Variants in FSTL4 observed in about 807,000 individuals in gnomAD.
FSTL4 encodes follistatin-related protein 4.
Under a neutral mutation model 78.2 loss-of-function variants are expected in FSTL4, and 28 were observed. The ratio of observed to expected loss-of-function variants is 0.36; its 90% CI spans 0.27 to 0.49. The LOEUF is 0.49. Ranked by LOEUF, FSTL4 falls within the 20% of genes least tolerant of loss-of-function variation. The pLI, the probability that FSTL4 is intolerant of heterozygous loss-of-function variation, is 0.98. For synonymous variants in FSTL4, 422 were observed against 440.5 expected, an observed-to-expected ratio of 0.96 and a Z score of 0.53; for missense variants, 922 against 1,084.9, an observed-to-expected ratio of 0.85 and a Z score of 2.11.
intron 3 of FSTL4, among the ~76,000 whole-genome samples, chr5:133,527,227 TC>T (rs1308542664): frequency 6.6e-6 from 1 of 152,224 alleles, no homozygotes; most frequent in African/African-American, 2.4e-5. Flanking sequence ...CTTCCACTTC[TC>T]TGCAAATTGA....
intron 12 of FSTL4, 96 bp downstream of exon 12, chr5:133,220,652 G>T (rs746824318): frequency 5.3e-5 from 41 of 769,782 alleles, no homozygotes; most frequent in Non-Finnish European, 9.1e-5. Context: ...ATAGCAAATG[G>T]AATTTTAGAA....
chr5:133,346,817 C>T (rs1754705658), intron 4 of FSTL4, among the ~76,000 whole-genome samples: 1 of 152,076 alleles, frequency 6.6e-6, no homozygotes, highest in Admixed American at 6.5e-5. Context: ...TCGCCTTTTC[C>T]ATTTCTTTGA....
rs536717046 is a variant in FSTL4, at chr5:133,398,537, G to A, written c.409+2201C>T. 2.2e-3 allele frequency among the ~76,000 whole-genome samples: 336 copies of A among 152,308 alleles called. 1 individual carries two copies. Among genetic ancestry groups the A allele is most frequent in the African/African-American group, 7.9e-3 (327 of 41,560 alleles). On this transcript the variant is annotated intron_variant, in intron 4 of 15. Coordinates refer to ENST00000265342, the MANE Select transcript of FSTL4 (RefSeq NM_015082.2). ...TGCTCCTGCCTCTGCGTTCTTCACA[G>A]TTTGTGCATCTCTCTACTCTCGGCC...
At chr5:133,800,938 G>A in the FSTL4 span, among the ~76,000 whole-genome samples, 2 of 151,704 alleles carry the variant, frequency 1.3e-5, no homozygotes, top group African/African-American at 4.9e-5. Context: ...CCGGTGGGAG[G>A]TGGGGAGGTG....
At chr5:133,204,559 T>C (rs1312545947) in intron 14 of FSTL4, among the ~76,000 whole-genome samples, 2 of 152,082 alleles carry the variant, frequency 1.3e-5, no homozygotes, top group Non-Finnish European at 2.9e-5. Flanking sequence ...TGGCCAGGCA[T>C]GGTGGCTCAC....
At chr5:133,402,986 G>A (rs1756273056) in intron 3 of FSTL4, among the ~76,000 whole-genome samples, 1 of 152,234 alleles carries the variant, frequency 6.6e-6, no homozygotes, top group Non-Finnish European at 1.5e-5. Flanking sequence ...GCTCTGGGCT[G>A]GAGGCCCCCC....
chr5:133,315,793 TC>T (rs369136369), intron 5 of FSTL4, among the ~76,000 whole-genome samples: 38 of 152,250 alleles, frequency 2.5e-4, no homozygotes, highest in Non-Finnish European at 4.3e-4. Context: ...CCCTACAGGC[TC>T]CTCCCTGCAA....
At position 133,316,601 on chromosome 5, in the gene FSTL4, G is replaced by A; in HGVS notation, c.461C>T (p.Ala154Val). 3 of 1,613,988 alleles carry A rather than the reference G, an allele frequency of 1.9e-6. No homozygotes were observed. In the South Asian group the frequency reaches 3.3e-5, roughly 18 times the overall value. ...GAGTGGCTGCAGACGGGTCTGGAGT[G>A]CCAGAAGGACATTCTTCAAGCGGGC... ...GYARLKNVLL[A>V]LQTRLQPLQE... The change falls in exon 5 of 16, where the codon GCA becomes GTA. Residue 154 changes from alanine to valine, a missense_variant. By Grantham distance (64) the Ala-to-Val change is moderately conservative (BLOSUM62 0). Coordinates refer to ENST00000265342, the MANE Select transcript of FSTL4 (RefSeq NM_015082.2).
the FSTL4 span, among the ~76,000 whole-genome samples, chr5:133,819,825 T>C: frequency 1.3e-5 from 2 of 152,228 alleles, no homozygotes; most frequent in African/African-American, 4.8e-5. Context: ...CAACTGCTCC[T>C]GGCCAGCACC....
At chr5:133,841,225 C>G in the FSTL4 span, among the ~76,000 whole-genome samples, 1 of 152,206 alleles carries the variant, frequency 6.6e-6, no homozygotes, top group African/African-American at 2.4e-5. Flanking sequence ...GATCAACTGG[C>G]CTGGGAAAAT....
the FSTL4 span, among the ~76,000 whole-genome samples, chr5:133,630,648 T>A: frequency 6.6e-6 from 1 of 151,976 alleles, no homozygotes; most frequent in Admixed American, 6.6e-5. Context: ...ACAACTAAAT[T>A]TCATATGGAA....
intron 4 of FSTL4, among the ~76,000 whole-genome samples, chr5:133,382,070 C>CA (rs1485101903): frequency 6.6e-6 from 1 of 152,226 alleles, no homozygotes; most frequent in African/African-American, 2.4e-5. Flanking sequence ...CCGGTCATCT[C>CA]AGAGCCCAGA....
Position 133,249,498 on chromosome 5 carries a change from G to A in FSTL4, c.806C>T (p.Thr269Ile), listed in dbSNP as rs775123689. 1 of 1,613,498 alleles carries A rather than the reference G, an allele frequency of 6.2e-7. No individual in the cohort carries two copies. The highest frequency in any genetic ancestry group is 1.1e-5 in the South Asian group (1 of 91,062). Residue 269 changes from threonine (T) to isoleucine (I), a missense_variant, in exon 7 of 16, where the codon ACC becomes ATC. Transcript: ENST00000265342. ...CCTCAGGTCTCCATGGACGGCGCAG[G>A]TCAGCACTGTGCTCAGCCCCACGGT... is the stretch of plus-strand genomic sequence containing the variant. Reference protein sequence around the residue: ...TVTVGLSTVLTCAVHGDLRPP... With the variant: ...TVTVGLSTVLICAVHGDLRPP...
chr5:133,408,701 C>T (rs933922454), intron 3 of FSTL4, among the ~76,000 whole-genome samples: 1 of 152,212 alleles, frequency 6.6e-6, no homozygotes, highest in Non-Finnish European at 1.5e-5. Context: ...GTCCTGTGCT[C>T]CTTCACAGCT....
the FSTL4 span, among the ~76,000 whole-genome samples, chr5:133,814,933 G>A: frequency 1.3e-5 from 2 of 152,198 alleles, no homozygotes; most frequent in African/African-American, 4.8e-5. Flanking sequence ...CTGCACACAT[G>A]CATGTGAGCT....
chr5:133,302,003 G>A (rs1351262263), intron 6 of FSTL4, among the ~76,000 whole-genome samples: 1 of 152,056 alleles, frequency 6.6e-6, no homozygotes, highest in Non-Finnish European at 1.5e-5. Context: ...AGTCTGAGCA[G>A]AGGAGAACAA....
chr5:133,527,722 G>C (rs1759166400), intron 3 of FSTL4, among the ~76,000 whole-genome samples: 1 of 152,196 alleles, frequency 6.6e-6, no homozygotes, highest in Admixed American at 6.5e-5. Flanking sequence ...TTGGAAACAT[G>C]AAGGTGAAGG....
At chr5:133,685,431 G>T in the FSTL4 span, among the ~76,000 whole-genome samples, 1 of 152,236 alleles carries the variant, frequency 6.6e-6, no homozygotes, top group Non-Finnish European at 1.5e-5. Flanking sequence ...ATATAGCAGT[G>T]ACCATCAAGA....
intron 7 of FSTL4, among the ~76,000 whole-genome samples, chr5:133,234,063 A>C (rs546444088): frequency 5.3e-5 from 8 of 152,294 alleles, no homozygotes; most frequent in African/African-American, 1.9e-4. Flanking sequence ...AAGACACATA[A>C]ATTAATGAAC....
Sources: gnomAD v4.1 joint callset for allele counts (sites outside exome capture counted in the v4.1 genomes callset) on GRCh38, gnomAD v4.1.1 for gene constraint, MANE v1.5 for transcripts, NCBI Gene and HGNC (gene_info 2026-07-23, HGNC 2026-07-21) for gene names.